The following KCNMB2 variants were observed in gnomAD, a reference collection of about 807,000 sequenced individuals.
The protein encoded by KCNMB2 is calcium-activated potassium channel subunit beta-2.
In KCNMB2, 9 loss-of-function variants were observed where a neutral mutation model predicts 24.5. The ratio of observed to expected loss-of-function variants is 0.37; its 90% confidence interval spans 0.22 to 0.64. The LOEUF (loss-of-function observed/expected upper bound fraction) is 0.64. Ranked by LOEUF, KCNMB2 falls within the 30% of genes least tolerant of loss-of-function variation. KCNMB2 has a pLI of 0.63. For missense variants in KCNMB2, 226 were observed against 284.3 expected (o/e 0.79, Z 1.47); for synonymous variants, 109 against 104.4 (o/e 1.04, Z -0.27).
At chr3:178,610,114 T>C (rs1371761361) in intron 1 of KCNMB2, among the ~76,000 whole-genome samples, 2 of 152,236 alleles carry the variant, frequency 1.3e-5, no homozygotes, top group African/African-American at 2.4e-5. Flanking sequence ...CTGGGTTCTC[T>C]ATGTTGTTCC....
At chr3:178,618,273 C>A (rs932706428) in intron 1 of KCNMB2, among the ~76,000 whole-genome samples, 6 of 152,098 alleles carry the variant, frequency 3.9e-5, no homozygotes, top group African/African-American at 7.2e-5. Flanking sequence ...TTTTCATTAT[C>A]ATCATCATCT....
intron 1 of KCNMB2, among the ~76,000 whole-genome samples, chr3:178,607,050 C>T (rs1718298029): frequency 6.6e-6 from 1 of 152,168 alleles, no homozygotes; most frequent in African/African-American, 2.4e-5. Context: ...AGCAACCCAG[C>T]TTATGGTAGT....
intron 1 of KCNMB2, among the ~76,000 whole-genome samples, chr3:178,588,176 A>G (rs1378289463): frequency 6.6e-6 from 1 of 152,084 alleles, no homozygotes; most frequent in East Asian, 1.9e-4. Flanking sequence ...CACCTTGTCA[A>G]GGACTTCATT....
chr3:178,754,171 TATATATACACACACACAC>T (rs1181830429), intron 1 of KCNMB2, among the ~76,000 whole-genome samples: 2 of 91,174 alleles, frequency 2.2e-5, no homozygotes, highest in Non-Finnish European at 4.1e-5. Flanking sequence ...TATATATATA[TATATATACACACACACAC>T]ACATACATAT....
At chr3:178,652,475 T>A (rs1484415835) in intron 1 of KCNMB2, among the ~76,000 whole-genome samples, 1 of 150,216 alleles carries the variant, frequency 6.7e-6, no homozygotes, top group African/African-American at 2.4e-5. Context: ...AAAAAAAAAA[T>A]CATGTATTTT....
At chr3:178,719,566 T>C (rs545872007) in intron 1 of KCNMB2, among the ~76,000 whole-genome samples, 2 of 152,320 alleles carry the variant, frequency 1.3e-5, no homozygotes, top group South Asian at 4.1e-4. Context: ...TTTTTGCTTA[T>C]AAAACCTGGC....
intron 1 of KCNMB2, among the ~76,000 whole-genome samples, chr3:178,596,042 G>A (rs909776758): frequency 6.6e-6 from 1 of 152,056 alleles, no homozygotes; most frequent in African/African-American, 2.4e-5. Flanking sequence ...GACTCAGCTT[G>A]AGAGGCACCT....
intron 1 of KCNMB2, among the ~76,000 whole-genome samples, chr3:178,643,243 G>A (rs942124134): frequency 3.3e-5 from 5 of 152,114 alleles, no homozygotes; most frequent in African/African-American, 1.2e-4. Flanking sequence ...TAGTTGCCAG[G>A]GGTTAGGGAT....
chr3:178,711,521 T>C (rs902141220), intron 1 of KCNMB2, among the ~76,000 whole-genome samples: 1 of 152,040 alleles, frequency 6.6e-6, no homozygotes, highest in Non-Finnish European at 1.5e-5. Context: ...AGACAAGATT[T>C]GGTCATAAGA....
At chr3:178,615,992 A>G (rs187598929) in intron 1 of KCNMB2, among the ~76,000 whole-genome samples, 43 of 152,228 alleles carry the variant, frequency 2.8e-4, no homozygotes, top group African/African-American at 9.9e-4. Flanking sequence ...TGGGAACTTC[A>G]CGACTCTGAC....
At chr3:178,584,185 T>C (rs1004947890) in intron 1 of KCNMB2, among the ~76,000 whole-genome samples, 36 of 152,240 alleles carry the variant, frequency 2.4e-4, no homozygotes, top group Non-Finnish European at 4.1e-4. Context: ...GTATGGCTTT[T>C]ATATCCCAGC....
intron 1 of KCNMB2, among the ~76,000 whole-genome samples, chr3:178,782,491 C>A (rs796464380): frequency 1.3e-5 from 2 of 149,052 alleles, no homozygotes; most frequent in African/African-American, 2.4e-5. Flanking sequence ...TTCTAACTGG[C>A]GTGAGATGGT....
intron 1 of KCNMB2, among the ~76,000 whole-genome samples, chr3:178,707,263 T>C (rs1234224181): frequency 6.6e-6 from 1 of 152,152 alleles, no homozygotes; most frequent in Non-Finnish European, 1.5e-5. Context: ...ATTAGTTTTC[T>C]CATCTGTGTA....
At chr3:178,829,968 C>T (rs545420102) in intron 4 of KCNMB2, among the ~76,000 whole-genome samples, 14 of 152,256 alleles carry the variant, frequency 9.2e-5, no homozygotes, top group East Asian at 1.9e-4. Flanking sequence ...CAAACAGATT[C>T]GTAACCACCG....
intron 1 of KCNMB2, among the ~76,000 whole-genome samples, chr3:178,685,546 C>T (rs1483336058): frequency 1.3e-5 from 2 of 152,224 alleles, no homozygotes; most frequent in Non-Finnish European, 2.9e-5. Context: ...CCATCAGCCA[C>T]ATCAACAGTG....
intron 1 of KCNMB2, among the ~76,000 whole-genome samples, chr3:178,602,430 A>G (rs1199101817): frequency 2.0e-5 from 3 of 152,188 alleles, no homozygotes; most frequent in African/African-American, 7.2e-5. Flanking sequence ...CCAAATCCTC[A>G]GAGAGTTCCT....
chr3:178,810,410 T>A (rs1714140019), intron 2 of KCNMB2, among the ~76,000 whole-genome samples: 1 of 152,170 alleles, frequency 6.6e-6, no homozygotes, highest in African/African-American at 2.4e-5. Context: ...GGGCCAAATG[T>A]GTCAGTATAT....
intron 1 of KCNMB2, among the ~76,000 whole-genome samples, chr3:178,722,088 T>C (rs919487379): frequency 6.6e-6 from 1 of 152,198 alleles, no homozygotes; most frequent in Non-Finnish European, 1.5e-5. Flanking sequence ...CTTTTTGGTG[T>C]CATATCTGAC....
At chr3:178,669,129 G>A (rs373141038) in intron 1 of KCNMB2, among the ~76,000 whole-genome samples, 10 of 152,118 alleles carry the variant, frequency 6.6e-5, no homozygotes, top group Admixed American at 2.0e-4. Flanking sequence ...TGTGTAGGGT[G>A]GGTAGTATGA....
Sources: gnomAD v4.1 joint callset for allele counts (sites outside exome capture counted in the v4.1 genomes callset) on GRCh38, gnomAD v4.1.1 for gene constraint, MANE v1.5 for transcripts, NCBI Gene and HGNC (gene_info 2026-07-23, HGNC 2026-07-21) for gene names.